GLRB: variants seen among roughly 807,000 people sequenced by gnomAD.
The protein encoded by GLRB is glycine receptor beta, also known as glycine receptor subunit beta.
Under a neutral mutation model 54.2 loss-of-function variants are expected in GLRB, and 33 were observed. The observed-to-expected ratio is 0.61, with a 90% CI of 0.46 to 0.81. The LOEUF (loss-of-function observed/expected upper bound fraction) is 0.81, where lower values mean the gene tolerates loss of function less well. Ranked by LOEUF, GLRB falls within the 40% of genes least tolerant of loss-of-function variation. The pLI is 0.00. For synonymous variants in GLRB, 209 were observed against 208.2 expected (o/e 1.00, Z -0.03); for missense variants, 572 against 584.6 (o/e 0.98, Z 0.22).
intron 2 of GLRB, among the ~76,000 whole-genome samples, chr4:157,094,402 G>C (rs1268184910): frequency 6.6e-6 from 1 of 152,138 alleles, no homozygotes; most frequent in Non-Finnish European, 1.5e-5. Flanking sequence ...TTGCTGCCTA[G>C]TATTCCATTA....
chr4:157,153,619 C>T lies in GLRB; in HGVS notation c.1197+609C>T, dbSNP rs191621911. Among the ~76,000 whole-genome samples the T allele has an allele frequency of 2.1e-3, 315 of 152,240 alleles. 1 individual carries two copies. The highest frequency in any genetic ancestry group is 6.5e-3 in the African/African-American group (271 of 41,528). Reference sequence around the variant, plus strand: ...TTAAGATTTTACCCCATAACCCTGCCTTGTCAATTAATTATGGGTTTAAGA... The same window carrying T: ...TTAAGATTTTACCCCATAACCCTGCTTTGTCAATTAATTATGGGTTTAAGA... On this transcript the variant is annotated intron_variant, in intron 9 of 9. Coordinates refer to ENST00000264428, the MANE Select transcript of GLRB (RefSeq NM_000824.5).
chr4:157,141,326 T>A (rs1736602345), intron 7 of GLRB, among the ~76,000 whole-genome samples: 1 of 151,946 alleles, frequency 6.6e-6, no homozygotes, highest in Non-Finnish European at 1.5e-5. Flanking sequence ...AAATATATTT[T>A]AATGTTTGGA....
chr4:157,101,498 T>C (rs1230278347), intron 2 of GLRB, among the ~76,000 whole-genome samples: 1 of 152,046 alleles, frequency 6.6e-6, no homozygotes, highest in Non-Finnish European at 1.5e-5. Flanking sequence ...CAATCTCCCC[T>C]ATATTGCCAT....
intron 9 of GLRB, among the ~76,000 whole-genome samples, chr4:157,155,874 A>G (rs1398799150): frequency 1.3e-5 from 2 of 151,682 alleles, no homozygotes; most frequent in Non-Finnish European, 2.9e-5. Context: ...TTCTTTGTGT[A>G]CTTTTCCTGC....
At chr4:157,167,699 C>T (rs762066005) in intron 9 of GLRB, among the ~76,000 whole-genome samples, 1 of 151,892 alleles carries the variant, frequency 6.6e-6, no homozygotes, top group Non-Finnish European at 1.5e-5. Flanking sequence ...GTGTATAGTC[C>T]GTTTTGTGCT....
intron 8 of GLRB, 104 bp from the exon 9 acceptor site, chr4:157,152,614 G>A: frequency 1.1e-6 from 1 of 872,808 alleles, no homozygotes; most frequent in Non-Finnish European, 2.0e-6. Context: ...AATTGTTCAT[G>A]GGTCATTGGA....
At chr4:157,080,956 A>G (rs1259466838) in intron 2 of GLRB, among the ~76,000 whole-genome samples, 2 of 152,154 alleles carry the variant, frequency 1.3e-5, no homozygotes, top group African/African-American at 4.8e-5. Flanking sequence ...GGAGAAATAA[A>G]GGACTTGAGT....
intron 2 of GLRB, among the ~76,000 whole-genome samples, chr4:157,119,298 G>A (rs1195801557): frequency 6.6e-6 from 1 of 151,564 alleles, no homozygotes; most frequent in Non-Finnish European, 1.5e-5. Flanking sequence ...ACTGAGTGAG[G>A]AAAATGTTCA....
chr4:157,136,407 C>A, intron 4 of GLRB, 62 bp from the exon 5 acceptor site: 2 of 971,154 alleles, frequency 2.1e-6, no homozygotes, highest in Non-Finnish European at 3.3e-6. Context: ...GTTTTGGGGC[C>A]GAATAAGTTC....
At chr4:157,131,599 T>C (rs1736218026) in intron 4 of GLRB, among the ~76,000 whole-genome samples, 1 of 151,736 alleles carries the variant, frequency 6.6e-6, no homozygotes, top group African/African-American at 2.4e-5. Flanking sequence ...TTCTCCTCTC[T>C]AAATTCTGGA....
At chr4:157,116,336 T>A (rs963409563) in intron 2 of GLRB, among the ~76,000 whole-genome samples, 1 of 151,842 alleles carries the variant, frequency 6.6e-6, no homozygotes, top group Admixed American at 6.6e-5. Context: ...ATTAATGTCA[T>A]ATTTCCAAGA....
At chr4:157,148,223 C>G (rs1320794292) in intron 8 of GLRB, among the ~76,000 whole-genome samples, 1 of 152,050 alleles carries the variant, frequency 6.6e-6, no homozygotes, top group African/African-American at 2.4e-5. Context: ...TAGTAATGTT[C>G]CATCTTTCAT....
intron 8 of GLRB, among the ~76,000 whole-genome samples, chr4:157,145,186 A>G (rs1055232901): frequency 1.3e-5 from 2 of 152,144 alleles, no homozygotes; most frequent in Admixed American, 1.3e-4. Flanking sequence ...TCCTTTAAGA[A>G]TTTTTCATCT....
chr4:157,082,054 T>G (rs1407224346), intron 2 of GLRB, among the ~76,000 whole-genome samples: 2 of 152,182 alleles, frequency 1.3e-5, no homozygotes, highest in African/African-American at 4.8e-5. Flanking sequence ...GTTTTTCTTC[T>G]TTTTAGTTAG....
At chr4:157,083,194 G>A (rs181188496) in intron 2 of GLRB, among the ~76,000 whole-genome samples, 2 of 152,040 alleles carry the variant, frequency 1.3e-5, no homozygotes, top group Non-Finnish European at 2.9e-5. Context: ...TTGCAGGAGA[G>A]AGAAATAAGA....
At chr4:157,078,360 T>A (rs1437384815) in intron 2 of GLRB, 3 of 306,732 alleles carry the variant, frequency 9.8e-6, no homozygotes, top group Non-Finnish European at 1.4e-5. Flanking sequence ...TTTCTTTTTT[T>A]AAATCATGCC....
chr4:157,078,060 A>G lies in GLRB; in HGVS notation c.36A>G (p.Leu12=), dbSNP rs1734101844. ...TATTGACAACTGCCTTTTTAATTTTAATTTCCTTGTGGGTGGAAGAAGCCT... is the reference window on the plus strand; with the variant it reads ...TATTGACAACTGCCTTTTTAATTTTGATTTCCTTGTGGGTGGAAGAAGCCT... The part of the protein sequence containing the change: ...KFLLTTAFLI[L]ISLWVEEAYS... The change falls in exon 2 of 10, where the codon TTA becomes TTG. Residue 12 remains leucine, a synonymous_variant. Transcript: ENST00000264428. The G allele has an allele frequency of 1.2e-6, 2 of 1,611,224 alleles. No homozygotes were observed. Among genetic ancestry groups the G allele is most frequent in the South Asian group, 2.2e-5 (2 of 91,014 alleles).
intron 9 of GLRB, among the ~76,000 whole-genome samples, chr4:157,156,776 A>G (rs1490555177): frequency 2.0e-5 from 3 of 152,080 alleles, no homozygotes; most frequent in Non-Finnish European, 4.4e-5. Flanking sequence ...GAATTCTCAG[A>G]TTGTTGTTGC....
intron 2 of GLRB, among the ~76,000 whole-genome samples, chr4:157,114,864 C>T (rs570519023): frequency 2.6e-5 from 4 of 151,814 alleles, no homozygotes; most frequent in East Asian, 1.9e-4. Context: ...TGACTTATCA[C>T]GGTTGAGGTT....
Sources: allele counts gnomAD v4.1 joint callset (sites outside exome capture counted in the v4.1 genomes callset), GRCh38; gene constraint gnomAD v4.1.1; transcripts MANE v1.5; gene names NCBI Gene and HGNC (gene_info 2026-07-23, HGNC 2026-07-21).